DPYSL3: variants seen among roughly 807,000 people sequenced by gnomAD.
DPYSL3 encodes dihydropyrimidinase like 3.
In DPYSL3, 16 loss-of-function variants were observed where a neutral mutation model predicts 66.1. That is an observed-to-expected ratio of 0.24 (90% CI 0.16 to 0.37). The LOEUF (loss-of-function observed/expected upper bound fraction) is 0.37, where lower values mean the gene tolerates loss of function less well. Ranked by LOEUF, DPYSL3 falls within the 10% of genes least tolerant of loss-of-function variation. The probability of loss-of-function intolerance (pLI) is 1.00; values close to 1 mark genes in which losing one functional copy is unlikely to be tolerated. For synonymous variants in DPYSL3, 338 were observed against 345.1 expected (o/e 0.98, Z 0.23); for missense variants, 738 against 916.2 (o/e 0.81, Z 2.51).
At chr5:147,438,513 C>T (rs116332109) in intron 1 of DPYSL3, among the ~76,000 whole-genome samples, 221 of 152,220 alleles carry the variant, frequency 1.5e-3, no homozygotes, top group African/African-American at 4.9e-3. Flanking sequence ...TATTCAAGAC[C>T]GCTTACTATC....
chr5:147,397,322 G>T (rs1300974335), intron 12 of DPYSL3, among the ~76,000 whole-genome samples: 1 of 151,592 alleles, frequency 6.6e-6, no homozygotes, highest in Non-Finnish European at 1.5e-5. Flanking sequence ...GGGATGTGTC[G>T]GTGTGGATTC....
chr5:147,413,037 G>C (rs1029797089), intron 5 of DPYSL3, among the ~76,000 whole-genome samples: 2 of 152,120 alleles, frequency 1.3e-5, no homozygotes, highest in African/African-American at 4.8e-5. Flanking sequence ...AAATGCTCTA[G>C]AAAACCACTA....
chr5:147,505,642 A>G (rs1036865077), intron 1 of DPYSL3, among the ~76,000 whole-genome samples: 6 of 152,218 alleles, frequency 3.9e-5, no homozygotes, highest in African/African-American at 1.4e-4. Flanking sequence ...TAGGTATGCT[A>G]GATACAAAGC....
chr5:147,436,066 C>T (rs1375192495), intron 1 of DPYSL3, among the ~76,000 whole-genome samples: 22 of 152,188 alleles, frequency 1.4e-4, no homozygotes, highest in Admixed American at 1.3e-3. Flanking sequence ...GAAAATACCC[C>T]GACTTCATTG....
chr5:147,420,560 C>A (rs772900485), intron 2 of DPYSL3, among the ~76,000 whole-genome samples: 4 of 152,114 alleles, frequency 2.6e-5, no homozygotes, highest in Non-Finnish European at 5.9e-5. Flanking sequence ...AGCATGAGTC[C>A]AATATCTCAA....
rs910179418 is a variant in DPYSL3, at chr5:147,391,331, T to G, written c.*2704A>C. On this transcript the variant is annotated 3_prime_UTR_variant, in exon 14 of 14. Transcript: ENST00000343218. Reference sequence around the variant, plus strand: ...CTTCCACTTCTAGAAAACTTAGAAGTACAAGAAATAGCTCTACTACGGGTA... The same window carrying G: ...CTTCCACTTCTAGAAAACTTAGAAGGACAAGAAATAGCTCTACTACGGGTA... 6.6e-6 allele frequency: 1 copy of G among 152,618 alleles called. No homozygotes were observed. Among genetic ancestry groups the G allele is most frequent in the Non-Finnish European group, 1.5e-5 (1 of 68,036 alleles). 9.5% of individuals were successfully genotyped at this position (152,618 alleles called of 1,614,324 possible).
At chr5:147,398,455 C>T (rs1349970546) in intron 11 of DPYSL3, among the ~76,000 whole-genome samples, 1 of 152,096 alleles carries the variant, frequency 6.6e-6, no homozygotes, top group African/African-American at 2.4e-5. Flanking sequence ...GATAATAGTC[C>T]CTACCTGTAG....
At chr5:147,475,442 T>G (rs1309798518) in intron 1 of DPYSL3, among the ~76,000 whole-genome samples, 3 of 152,114 alleles carry the variant, frequency 2.0e-5, no homozygotes, top group Non-Finnish European at 4.4e-5. Flanking sequence ...CTAAGTCAAG[T>G]GTTGAAGAAT....
At chr5:147,437,632 A>C (rs996628635) in intron 1 of DPYSL3, among the ~76,000 whole-genome samples, 2 of 152,206 alleles carry the variant, frequency 1.3e-5, no homozygotes, top group African/African-American at 4.8e-5. Flanking sequence ...CTCAAAGACC[A>C]CAGATGTCTT....
At chr5:147,409,218 T>A (rs1327406734) in intron 6 of DPYSL3, among the ~76,000 whole-genome samples, 1 of 152,214 alleles carries the variant, frequency 6.6e-6, no homozygotes, top group African/African-American at 2.4e-5. Flanking sequence ...AGTACCTGCA[T>A]TAAAGCAATG....
At chr5:147,401,188 A>C (rs1355174872) in intron 9 of DPYSL3, among the ~76,000 whole-genome samples, 1 of 152,224 alleles carries the variant, frequency 6.6e-6, no homozygotes, top group Non-Finnish European at 1.5e-5. Flanking sequence ...CAAATGATTT[A>C]GCTTCTCTGA....
rs2126468660 is a variant in DPYSL3 at position 147,509,663 on chromosome 5, G to A, written c.196C>T (p.Arg66Trp). 2 of 1,535,758 alleles carry A rather than the reference G, an allele frequency of 1.3e-6. No homozygotes were observed. Among genetic ancestry groups the A allele is most frequent in the Non-Finnish European group, 1.7e-6 (2 of 1,146,700 alleles). ...SVGQRGAKTP[R>W]SGQGSDRGSG... Reference sequence around the variant, plus strand: ...CCTCGGTCGCTGCCCTGGCCGCTCCGAGGAGTCTTCGCGCCCCGCTGCCCC... The same window carrying A: ...CCTCGGTCGCTGCCCTGGCCGCTCCAAGGAGTCTTCGCGCCCCGCTGCCCC... Residue 66 changes from arginine to tryptophan, a missense_variant, in exon 1 of 14, where the codon CGG (arginine) becomes TGG (tryptophan). Arg to Trp is a moderately radical substitution (Grantham distance 101, BLOSUM62 -3). Coordinates refer to ENST00000343218, the MANE Select transcript of DPYSL3 (RefSeq NM_001197294.2). The surrounding 1 kb of genome is among the most constrained non-coding windows in gnomAD (Gnocchi z 5.3).
chr5:147,424,796 A>T, intron 2 of DPYSL3, 79 bp downstream of exon 2: 1 of 1,127,300 alleles, frequency 8.9e-7, no homozygotes, highest in Non-Finnish European at 1.3e-6. Flanking sequence ...CACTACATTC[A>T]TGTAATCCAA....
chr5:147,467,743 C>T (rs894086168), intron 1 of DPYSL3, among the ~76,000 whole-genome samples: 2 of 152,198 alleles, frequency 1.3e-5, no homozygotes, highest in Non-Finnish European at 2.9e-5. Flanking sequence ...TGGGGATTGT[C>T]TTAGTCCATT....
Position 147,413,605 on chromosome 5 carries a change from A to G in DPYSL3, c.873T>C (p.Ser291=). The change falls in exon 5 of 14, where the codon TCT becomes TCC. Residue 291 remains serine, a synonymous_variant. Transcript: ENST00000343218. ...YMAYKDLYQV[S]NTELYEIFTC... is the part of the protein sequence containing the mutation. ...GCAAATGGGTTGTTACCTCTGTGTT[A>G]GATACTTGATACAAATCCTTATAAG... The G allele has an allele frequency of 6.2e-7, 1 of 1,612,914 alleles. No homozygotes were observed. Among genetic ancestry groups the G allele is most frequent in the Non-Finnish European group, 8.5e-7 (1 of 1,179,118 alleles).
At chr5:147,451,168 G>A (rs1752720925) in intron 1 of DPYSL3, among the ~76,000 whole-genome samples, 1 of 152,160 alleles carries the variant, frequency 6.6e-6, no homozygotes, top group Non-Finnish European at 1.5e-5. Flanking sequence ...ATTTACAAAT[G>A]GATTCCTTAT....
chr5:147,392,741 A>G lies in DPYSL3; in HGVS notation c.*1294T>C, dbSNP rs1757850208. 6.6e-6 allele frequency: 1 copy of G among 152,130 alleles called. No individual in the cohort carries two copies. Among genetic ancestry groups the G allele is most frequent in the African/African-American group, 2.4e-5 (1 of 41,432 alleles). The allele number at this position is 152,130 out of a possible 1,614,324, so 9.4% of individuals were successfully genotyped here. On this transcript the variant is annotated 3_prime_UTR_variant, in exon 14 of 14. Coordinates refer to ENST00000343218, the MANE Select transcript of DPYSL3 (RefSeq NM_001197294.2). ...AGACTGCATCATGTCACTTCCACTC[A>G]CTTGGGGAGATTCTAGGACTGAGAC...
chr5:147,403,164 A>G (rs1180090199), intron 8 of DPYSL3, among the ~76,000 whole-genome samples: 1 of 152,200 alleles, frequency 6.6e-6, no homozygotes, highest in African/African-American at 2.4e-5. Flanking sequence ...GCCATAGGCA[A>G]AAGAAGGAAG....
chr5:147,446,124 C>T (rs1453765556), intron 1 of DPYSL3, among the ~76,000 whole-genome samples: 1 of 152,210 alleles, frequency 6.6e-6, no homozygotes, highest in African/African-American at 2.4e-5. Flanking sequence ...GAACTCCTCT[C>T]TGTGAATTTG....
Sources: allele counts gnomAD v4.1 joint callset (sites outside exome capture counted in the v4.1 genomes callset), GRCh38; gene constraint gnomAD v4.1.1; non-coding constraint Gnocchi (gnomAD v3.1); transcripts MANE v1.5; gene names NCBI Gene and HGNC (gene_info 2026-07-23, HGNC 2026-07-21).